Variants in OLAH observed in about 807,000 individuals in gnomAD.
OLAH encodes the protein oleoyl-ACP hydrolase, also known as S-acyl fatty acid synthase thioesterase, medium chain.
Under a neutral mutation model 27.8 loss-of-function variants are expected in OLAH, and 33 were observed. The observed-to-expected ratio is 1.19, with a 90% CI of 0.90 to 1.59. OLAH has a LOEUF of 1.59. Ranked by LOEUF, OLAH falls within the 40% of genes most tolerant of loss-of-function variation. The pLI, the probability that OLAH is intolerant of heterozygous loss-of-function variation, is 0.00. For synonymous variants in OLAH, 120 were observed against 102.9 expected (o/e 1.17, Z -1.01); for missense variants, 359 against 310.8 (o/e 1.16, Z -1.17).
At chr10:15,036,072 G>T (rs1329744461) in intron 1 of OLAH, among the ~76,000 whole-genome samples, 1 of 152,182 alleles carries the variant, frequency 6.6e-6, no homozygotes, top group African/African-American at 2.4e-5. Context: ...AACTGCACAC[G>T]ACCTGCTAAG....
intron 1 of OLAH, among the ~76,000 whole-genome samples, chr10:15,036,160 A>G (rs771157853): frequency 6.6e-6 from 1 of 152,132 alleles, no homozygotes; most frequent in Non-Finnish European, 1.5e-5. Flanking sequence ...GGTTATAGCT[A>G]TTTCCTGGAG....
At chr10:15,033,536 G>A (rs1843791155) in intron 1 of OLAH, among the ~76,000 whole-genome samples, 1 of 152,112 alleles carries the variant, frequency 6.6e-6, no homozygotes, top group South Asian at 2.1e-4. Context: ...AGAGAAGGCA[G>A]AGAGAAGAGG....
At chr10:15,060,172 C>CT (rs1021188417) in intron 3 of OLAH, among the ~76,000 whole-genome samples, 2 of 151,368 alleles carry the variant, frequency 1.3e-5, no homozygotes, top group East Asian at 1.9e-4. Flanking sequence ...ACTTAATTTT[C>CT]TTTTTTTTTA....
chr10:15,065,779 C>CT (rs1221892355), intron 6 of OLAH, 26 bp downstream of exon 6: 4 of 1,571,646 alleles, frequency 2.5e-6, no homozygotes, highest in Admixed American at 2.0e-5. Context: ...AAGGTTTTTT[C>CT]TTTTTTTGGT....
chr10:15,032,342 T>G (rs1185814220), exon 1 of OLAH: 1 of 152,070 alleles, frequency 6.6e-6, no homozygotes, highest in Non-Finnish European at 1.5e-5. Context: ...AGACCTCACG[T>G]TGTCATATGT....
intron 1 of OLAH, among the ~76,000 whole-genome samples, chr10:15,045,126 A>G (rs1843990794): frequency 6.6e-6 from 1 of 152,242 alleles, no homozygotes; most frequent in Non-Finnish European, 1.5e-5. Flanking sequence ...GGATGCCTCC[A>G]GTGTTGAAAA....
upstream of OLAH, among the ~76,000 whole-genome samples, chr10:15,040,275 T>C (rs1458643790): frequency 6.6e-6 from 1 of 152,166 alleles, no homozygotes; most frequent in Non-Finnish European, 1.5e-5. Context: ...GCCAGTCTCA[T>C]GCTTGGGTCA....
chr10:15,065,687 C>T lies in OLAH; in HGVS notation c.506C>T (p.Ala169Val), dbSNP rs1401797906. ...FGGTPKHFAE[A>V]KEFVKQCSPI... The stretch of plus-strand genomic sequence containing the variant: ...GGCACCCCCAAGCATTTTGCTGAAG[C>T]CAAGGAATTTGTGAAACAATGTAGT... The change falls in exon 6 of 8, where the codon GCC becomes GTC. Residue 169 changes from alanine to valine, a missense_variant. Ala to Val is a moderately conservative substitution (Grantham distance 64). Coordinates refer to ENST00000378228, the MANE Select transcript of OLAH (RefSeq NM_001039702.3). The T allele has an allele frequency of 1.2e-6, 2 of 1,613,930 alleles. No individual in the cohort carries two copies. Among genetic ancestry groups the T allele is most frequent in the Admixed American group, 3.3e-5 (2 of 59,978 alleles).
intron 3 of OLAH, among the ~76,000 whole-genome samples, chr10:15,055,293 T>C (rs1264121147): frequency 6.6e-6 from 1 of 152,234 alleles, no homozygotes; most frequent in Non-Finnish European, 1.5e-5. Flanking sequence ...GAGCTAAGGT[T>C]GGTTGCTGAC....
At position 15,056,446 on chromosome 10, in the gene OLAH, T is replaced by C. The variant is rs372980115; in HGVS notation, c.164-5278T>C. Among the ~76,000 whole-genome samples, 7 of 152,340 alleles carry C rather than the reference T, an allele frequency of 4.6e-5. No individual in the cohort carries two copies. The East Asian group carries it at 1.2e-3, about 25-fold the overall frequency. ...CAGTATAGGAAAATTCTTATTGCTCTATATTGTTGACAATACCGTTGTAAT... is the reference window on the plus strand; with the variant it reads ...CAGTATAGGAAAATTCTTATTGCTCCATATTGTTGACAATACCGTTGTAAT... On this transcript the variant is annotated intron_variant, in intron 3 of 7. Coordinates refer to ENST00000378228, the MANE Select transcript of OLAH (RefSeq NM_001039702.3).
At chr10:15,032,494 G>T (rs1210742140) in intron 1 of OLAH, 1 of 150,742 alleles carries the variant, frequency 6.6e-6, no homozygotes, top group African/African-American at 2.4e-5. Context: ...ATCGTGGAGG[G>T]CGCCTGTAGT....
chr10:15,037,780 G>A (rs566338393), intron 1 of OLAH, among the ~76,000 whole-genome samples: 35 of 152,178 alleles, frequency 2.3e-4, no homozygotes, highest in African/African-American at 7.0e-4. Context: ...AATTCTCTAC[G>A]TATGGGGATG....
intron 7 of OLAH, 63 bp from the exon 8 acceptor site, chr10:15,073,024 T>A (rs11816949): frequency 0.03 from 45,492 of 1,494,138 alleles, 1,065 homozygotes; most frequent in African/African-American, 0.11. Flanking sequence ...AGAAATGATG[T>A]CTTGATGTGA....
intron 3 of OLAH, among the ~76,000 whole-genome samples, chr10:15,051,179 G>A (rs1024827785): frequency 2.0e-5 from 3 of 150,012 alleles, no homozygotes; most frequent in Non-Finnish European, 3.0e-5. Flanking sequence ...AGGTTCAAGC[G>A]ATTCTCCTGC....
upstream of OLAH, among the ~76,000 whole-genome samples, chr10:15,040,170 C>A (rs924049806): frequency 6.6e-6 from 1 of 152,182 alleles, no homozygotes; most frequent in Non-Finnish European, 1.5e-5. Flanking sequence ...TCCTGCTGTC[C>A]CTTTGTCACT....
At chr10:15,073,024 TCTTGATGTGAATC>T (rs1844622003) in intron 7 of OLAH, 50 bp from the exon 8 acceptor site, 1 of 1,494,036 alleles carries the variant, frequency 6.7e-7, no homozygotes, top group African/African-American at 1.4e-5. Context: ...AGAAATGATG[TCTTGATGTGAATC>T]TTTAGTTGCT....
chr10:15,046,315 C>T (rs1434431990), intron 1 of OLAH, among the ~76,000 whole-genome samples: 1 of 111,718 alleles, frequency 9.0e-6, no homozygotes, highest in Non-Finnish European at 1.7e-5. Context: ...GACTCCGTCT[C>T]AAAAAAATAT....
At chr10:15,057,109 T>C (rs1447276610) in intron 3 of OLAH, 2 of 1,167,154 alleles carry the variant, frequency 1.7e-6, no homozygotes, top group African/African-American at 1.6e-5. Flanking sequence ...TTAAACTTTA[T>C]GCTTTTTATG....
chr10:15,056,161 A>G (rs1230175543), intron 3 of OLAH, among the ~76,000 whole-genome samples: 1 of 152,116 alleles, frequency 6.6e-6, no homozygotes, highest in South Asian at 2.1e-4. Flanking sequence ...CCCACAATCT[A>G]GTTTTTAGTA....
Sources: gnomAD v4.1 joint callset for allele counts (sites outside exome capture counted in the v4.1 genomes callset) on GRCh38, gnomAD v4.1.1 for gene constraint, MANE v1.5 for transcripts, NCBI Gene and HGNC (gene_info 2026-07-23, HGNC 2026-07-21) for gene names.